Variants in NCKAP5 observed in about 807,000 individuals in gnomAD.
The protein encoded by NCKAP5 is NCK associated protein 5.
In NCKAP5, 92 loss-of-function variants were observed where a neutral mutation model predicts 167.0. That is an observed-to-expected ratio of 0.55 (90% CI 0.47 to 0.66). NCKAP5 has a LOEUF of 0.66. Among genes scored for constraint, NCKAP5 ranks in the 30% least tolerant of loss-of-function variants. The pLI is 0.00. For synonymous variants in NCKAP5, 891 were observed against 877.4 expected, an observed-to-expected ratio of 1.02 and a Z score of -0.27; for missense variants, 2,378 against 2,315.0, an observed-to-expected ratio of 1.03 and a Z score of -0.56.
At chr2:133,237,664 G>A (rs1226498439) in intron 4 of NCKAP5, among the ~76,000 whole-genome samples, 2 of 152,176 alleles carry the variant, frequency 1.3e-5, no homozygotes, top group Non-Finnish European at 2.9e-5. Flanking sequence ...GACAATTGAA[G>A]ATGTAACTGC....
chr2:132,704,073 A>G (rs1329668198), intron 19 of NCKAP5, among the ~76,000 whole-genome samples: 2 of 152,190 alleles, frequency 1.3e-5, no homozygotes, highest in Non-Finnish European at 2.9e-5. Flanking sequence ...CTCAAGGCCA[A>G]TTAGCAGAAA....
At chr2:132,797,918 C>G (rs1012605631) in intron 11 of NCKAP5, among the ~76,000 whole-genome samples, 20 of 152,208 alleles carry the variant, frequency 1.3e-4, no homozygotes, top group African/African-American at 4.8e-4. Flanking sequence ...AACATTTATA[C>G]AGCACCTCCT....
chr2:132,745,941 G>T (rs1679601959), intron 16 of NCKAP5, among the ~76,000 whole-genome samples: 1 of 151,946 alleles, frequency 6.6e-6, no homozygotes. Context: ...TGACATAAAT[G>T]GAGAGATCTG....
intron 3 of NCKAP5, among the ~76,000 whole-genome samples, chr2:133,376,041 C>T (rs1408706087): frequency 1.3e-5 from 2 of 152,056 alleles, no homozygotes; most frequent in Non-Finnish European, 2.9e-5. Flanking sequence ...GTACAGGAAA[C>T]AAAAGTGTGG....
intron 7 of NCKAP5, among the ~76,000 whole-genome samples, chr2:132,972,359 A>C (rs2076859858): frequency 6.6e-6 from 1 of 152,194 alleles, no homozygotes; most frequent in East Asian, 1.9e-4. Flanking sequence ...AAGGGCATTG[A>C]GGCTCCAAGA....
At chr2:133,124,137 G>A (rs1279657148) in intron 6 of NCKAP5, among the ~76,000 whole-genome samples, 1 of 152,230 alleles carries the variant, frequency 6.6e-6, no homozygotes, top group African/African-American at 2.4e-5. Flanking sequence ...CTTCAAGGCT[G>A]TGGATGACGG....
In NCKAP5 at chr2:132,797,881, A is replaced by C. The variant is rs1574257676; in HGVS notation, c.808-1152T>G. Among the ~76,000 whole-genome samples the C allele has an allele frequency of 2.0e-5, 3 of 152,172 alleles. No homozygotes were observed. The East Asian group carries it at 5.8e-4, about 29-fold the overall frequency. ...AGGCTGAACTTCTGTGAGAGCCCTG[A>C]GTACTTGGTTAGGTGATTATTCAAC... is the stretch of plus-strand genomic sequence containing the variant. On this transcript the variant is annotated intron_variant, in intron 11 of 19. Coordinates refer to ENST00000409261, the MANE Select transcript of NCKAP5 (RefSeq NM_207363.3).
the NCKAP5 span, among the ~76,000 whole-genome samples, chr2:133,586,689 T>C: frequency 6.6e-6 from 1 of 152,008 alleles, no homozygotes. Context: ...ATGGTTGCTA[T>C]GTTGACACAA....
chr2:132,968,990 A>G (rs2076747598), intron 7 of NCKAP5, among the ~76,000 whole-genome samples: 2 of 152,324 alleles, frequency 1.3e-5, no homozygotes, highest in South Asian at 4.1e-4. Flanking sequence ...GCACTGATAG[A>G]GGAGCCAAGG....
the NCKAP5 span, among the ~76,000 whole-genome samples, chr2:133,618,590 C>G: frequency 6.6e-6 from 1 of 151,758 alleles, no homozygotes; most frequent in Admixed American, 6.6e-5. Flanking sequence ...AAATGCAAAT[C>G]AAAACCACAA....
intron 2 of NCKAP5, among the ~76,000 whole-genome samples, chr2:133,547,091 C>T (rs1263393375): frequency 6.6e-6 from 1 of 152,202 alleles, no homozygotes; most frequent in Non-Finnish European, 1.5e-5. Context: ...ACGGAGTTCC[C>T]TTTCCAAGGC....
intron 3 of NCKAP5, among the ~76,000 whole-genome samples, chr2:133,402,553 G>C (rs1574888090): frequency 6.6e-6 from 1 of 152,230 alleles, no homozygotes; most frequent in Middle Eastern, 3.4e-3. Flanking sequence ...TTGGAGGTGG[G>C]CCTAGTGGGA....
chr2:132,815,843 T>A (rs1326129060), intron 11 of NCKAP5, among the ~76,000 whole-genome samples: 2 of 152,158 alleles, frequency 1.3e-5, no homozygotes, highest in Non-Finnish European at 2.9e-5. Context: ...ACCAAAATTC[T>A]CCATTACAGC....
chr2:133,254,458 T>C (rs770186070), intron 4 of NCKAP5, among the ~76,000 whole-genome samples: 2 of 151,982 alleles, frequency 1.3e-5, no homozygotes, highest in African/African-American at 2.4e-5. Context: ...GACAATATCA[T>C]GAGGAGCAGA....
At chr2:133,159,448 T>G (rs554439704) in intron 5 of NCKAP5, among the ~76,000 whole-genome samples, 5 of 134,356 alleles carry the variant, frequency 3.7e-5, no homozygotes, top group Non-Finnish European at 6.4e-5. Flanking sequence ...TACAGAATGG[T>G]GAGATGCCAT....
chr2:133,044,405 T>G (rs888422796), intron 6 of NCKAP5, among the ~76,000 whole-genome samples: 4 of 151,718 alleles, frequency 2.6e-5, no homozygotes, highest in African/African-American at 9.7e-5. Context: ...CCAAGGAAAA[T>G]ATAAGAAAAA....
intron 3 of NCKAP5, among the ~76,000 whole-genome samples, chr2:133,369,357 G>C (rs1451729038): frequency 6.6e-6 from 1 of 152,232 alleles, no homozygotes; most frequent in African/African-American, 2.4e-5. Context: ...GAGTCACAAA[G>C]ATGCCAAGGT....
At chr2:133,055,862 CCAGG>C (rs2079780425) in intron 6 of NCKAP5, among the ~76,000 whole-genome samples, 1 of 152,134 alleles carries the variant, frequency 6.6e-6, no homozygotes, top group Admixed American at 6.6e-5. Context: ...TTCCATCTGG[CCAGG>C]CTGCTCCTGA....
chr2:133,382,190 A>G (rs777227376), intron 3 of NCKAP5, among the ~76,000 whole-genome samples: 3 of 152,164 alleles, frequency 2.0e-5, no homozygotes, highest in Non-Finnish European at 2.9e-5. Context: ...TTCAACGAAC[A>G]TCATCATCAA....
Sources: gnomAD v4.1 joint callset for allele counts (sites outside exome capture counted in the v4.1 genomes callset) on GRCh38, gnomAD v4.1.1 for gene constraint, MANE v1.5 for transcripts, NCBI Gene and HGNC (gene_info 2026-07-23, HGNC 2026-07-21) for gene names.